The following C2CD3 variants were observed in gnomAD, a reference collection of about 807,000 sequenced individuals.
The protein encoded by C2CD3 is C2 domain containing 3 centriole elongation regulator, also known as C2 domain-containing protein 3.
C2CD3 carries 148 observed loss-of-function variants against 234.0 expected under a neutral mutation model. That is an observed-to-expected ratio of 0.63 (90% CI 0.55 to 0.72). The LOEUF (loss-of-function observed/expected upper bound fraction) is 0.72. Ranked by LOEUF, C2CD3 falls within the 30% of genes least tolerant of loss-of-function variation. C2CD3 has a pLI of 0.00. For missense variants in C2CD3, 2,577 were observed against 2,811.5 expected (o/e 0.92, Z 1.89); for synonymous variants, 1,000 against 1,035.4 (o/e 0.97, Z 0.66).
At chr11:74,154,906 T>C (rs148003264) in intron 3 of C2CD3, among the ~76,000 whole-genome samples, 27 of 152,316 alleles carry the variant, frequency 1.8e-4, no homozygotes, top group African/African-American at 6.5e-4. Flanking sequence ...ACATACTCAT[T>C]AGAATGGCAA....
At chr11:74,065,413 A>G (rs1173598580) in intron 24 of C2CD3, among the ~76,000 whole-genome samples, 1 of 152,196 alleles carries the variant, frequency 6.6e-6, no homozygotes, top group African/African-American at 2.4e-5. Flanking sequence ...TCAGGAAACA[A>G]CAGGTGCTGG....
chr11:74,089,101 C>T (rs1034656644), intron 20 of C2CD3, among the ~76,000 whole-genome samples: 1 of 151,878 alleles, frequency 6.6e-6, no homozygotes, highest in African/African-American at 2.4e-5. Context: ...GGTATGCTAC[C>T]TTTTTTATTA....
In C2CD3 at chr11:74,153,818, A is replaced by G. The variant is rs192784645; in HGVS notation, c.483+7581T>C. Among the ~76,000 whole-genome samples the G allele has an allele frequency of 2.4e-3, 367 of 152,282 alleles. 5 individuals are homozygous for G. The highest frequency in any genetic ancestry group is 2.0e-3 in the Non-Finnish European group (135 of 67,998). On this transcript the variant is annotated intron_variant, in intron 3 of 32. Coordinates refer to ENST00000334126, the MANE Select transcript of C2CD3 (RefSeq NM_001286577.2). ...AAAGCTGCAGTAATACAGTGTTGCT[A>G]TCCTAAGGACAGAAATTCTAATCTG...
At chr11:74,060,699 A>T (rs963243837) in intron 24 of C2CD3, among the ~76,000 whole-genome samples, 2 of 152,210 alleles carry the variant, frequency 1.3e-5, no homozygotes, top group African/African-American at 4.8e-5. Flanking sequence ...AAATTCTAAA[A>T]ATCAGAGCGC....
rs1856943592 is a variant in C2CD3 at position 74,168,429 on chromosome 11, T to C, written c.240A>G (p.Ala80=). 1.9e-6 allele frequency: 3 copies of C among 1,614,180 alleles called. No homozygotes were observed. Among genetic ancestry groups the C allele is most frequent in the Non-Finnish European group, 2.5e-6 (3 of 1,179,986 alleles). ...SDGTLFCPRD[A]LQTEPKAVRT... ...TCACAGCTTTTGGTTCAGTCTGCAA[T>C]GCATCCCTGGGACAAAAGAGGGTTC... The change falls in exon 2 of 33, where the codon GCA becomes GCG. Residue 80 remains alanine (A), a synonymous_variant. Transcript: ENST00000334126.
At chr11:74,151,303 C>A (rs568035006) in intron 3 of C2CD3, among the ~76,000 whole-genome samples, 5 of 126,794 alleles carry the variant, frequency 3.9e-5, no homozygotes, top group African/African-American at 7.2e-5. Flanking sequence ...GCATCCAACA[C>A]TCTTTATTTA....
chr11:74,123,129 T>C lies in C2CD3; in HGVS notation c.1224A>G (p.Glu408=). 6.2e-7 allele frequency: 1 copy of C among 1,611,808 alleles called. No homozygotes were observed. Among genetic ancestry groups the C allele is most frequent in the East Asian group, 2.2e-5 (1 of 44,866 alleles). Residue 408 remains glutamate (E), a synonymous_variant, in exon 8 of 33, where the codon GAA becomes GAG. Transcript: ENST00000334126. The part of the protein sequence containing the change: ...RAIQLLLGSA[E]LSQGNFWDGL... ...CATCCCAGAAATTGCCTTGGGATAA[T>C]TCAGCACTGCAGAGATAAGAAAACA... is the stretch of plus-strand genomic sequence containing the variant.
At chr11:74,129,751 C>T (rs1201519792) in intron 7 of C2CD3, 6 of 177,148 alleles carry the variant, frequency 3.4e-5, no homozygotes, top group Admixed American at 1.3e-4. Context: ...TGTAGCGAGC[C>T]GATATCACGC....
intron 3 of C2CD3, among the ~76,000 whole-genome samples, chr11:74,144,766 T>C (rs2135550000): frequency 6.6e-6 from 1 of 152,334 alleles, no homozygotes; most frequent in East Asian, 1.9e-4. Flanking sequence ...ATCCATGTCC[T>C]GCAAAGGACA....
At chr11:74,106,265 C>T (rs1590817171) in intron 13 of C2CD3, 106 bp downstream of exon 13, 1 of 1,081,788 alleles carries the variant, frequency 9.2e-7, no homozygotes, top group South Asian at 1.5e-5. Context: ...AGATGCTACA[C>T]AAGATCAAAG....
chr11:74,053,634 G>C (rs1227644509), intron 26 of C2CD3, among the ~76,000 whole-genome samples: 4 of 152,188 alleles, frequency 2.6e-5, no homozygotes, highest in Non-Finnish European at 5.9e-5. Context: ...GATAATGCAA[G>C]GGTCTTGGTT....
rs1318290567 is a variant in C2CD3, at chr11:74,131,877, CAT to C, written c.1217+965_1217+966del. Among the ~76,000 whole-genome samples, 33 of 152,264 alleles carry C rather than the reference CAT, an allele frequency of 2.2e-4. No homozygotes were observed. The South Asian group carries it at 3.3e-3, about 15-fold the overall frequency. The stretch of plus-strand genomic sequence containing the variant: ...GTGAGCTTTTGGAGCCTTTGAAACA[CAT>C]GTTCTCCCATAACCTTTAAAACTTC... On this transcript the variant is annotated intron_variant, in intron 7 of 32. Transcript: ENST00000334126.
intron 28 of C2CD3, among the ~76,000 whole-genome samples, chr11:74,045,568 T>C (rs1354134835): frequency 8.1e-5 from 8 of 98,790 alleles, no homozygotes. Flanking sequence ...CAATTTTCTT[T>C]TTTCTTTCCT....
At position 74,098,304 on chromosome 11, in the gene C2CD3, T is replaced by G. The variant is rs747179965; in HGVS notation, c.2733-49A>C. On this transcript the variant is annotated intron_variant, in intron 15 of 32. Transcript: ENST00000334126. Reference sequence around the variant, plus strand: ...AAGCAAATAACAAGCATCAATCATGTCATAGAGTTATTTCTTTCTTGACTC... The same window carrying G: ...AAGCAAATAACAAGCATCAATCATGGCATAGAGTTATTTCTTTCTTGACTC... 9.6e-6 allele frequency: 15 copies of G among 1,566,852 alleles called. No individual in the cohort carries two copies. The South Asian group carries it at 1.6e-4, about 17-fold the overall frequency.
chr11:74,024,292 T>C (rs1952203701), intron 32 of C2CD3, among the ~76,000 whole-genome samples: 1 of 152,154 alleles, frequency 6.6e-6, no homozygotes, highest in Non-Finnish European at 1.5e-5. Context: ...AAGTTAGAAT[T>C]CTATATCCAG....
intron 32 of C2CD3, among the ~76,000 whole-genome samples, chr11:74,025,468 A>T (rs75792140): frequency 0.057 from 8,600 of 152,164 alleles, 782 homozygotes; most frequent in African/African-American, 0.2. Flanking sequence ...GAGTAAAAAT[A>T]TTTAGTATTT....
chr11:74,098,314 A>C, intron 15 of C2CD3, 59 bp from the exon 16 acceptor site: 1 of 1,535,024 alleles, frequency 6.5e-7, no homozygotes, highest in Admixed American at 2.0e-5. Flanking sequence ...TCATAGAGTT[A>C]TTTCTTTCTT....
chr11:74,058,118 A>G (rs148285155), intron 24 of C2CD3, among the ~76,000 whole-genome samples: 3 of 152,332 alleles, frequency 2.0e-5, no homozygotes, highest in African/African-American at 7.2e-5. Context: ...GAGGCAAAAG[A>G]CAGGACAGAA....
intron 7 of C2CD3, among the ~76,000 whole-genome samples, chr11:74,131,416 TCAAA>T (rs768100490): frequency 2.6e-5 from 4 of 151,966 alleles, no homozygotes; most frequent in African/African-American, 4.8e-5. Flanking sequence ...ATTTCAGGTG[TCAAA>T]CTAACTCTCA....
Sources: gnomAD v4.1 joint callset for allele counts (sites outside exome capture counted in the v4.1 genomes callset) on GRCh38, gnomAD v4.1.1 for gene constraint, MANE v1.5 for transcripts, NCBI Gene and HGNC (gene_info 2026-07-23, HGNC 2026-07-21) for gene names.